The following DNAAF9 variants were observed in gnomAD, a reference collection of about 807,000 sequenced individuals.
DNAAF9 encodes shulin.
A neutral mutation model predicts 167.0 loss-of-function variants in DNAAF9; 90 were observed. The observed-to-expected ratio is 0.54, with a 90% CI of 0.45 to 0.64. The LOEUF is 0.64. DNAAF9 is among the 30% of genes least tolerant of loss of function. The probability of loss-of-function intolerance (pLI) is 0.00; values close to 1 mark genes in which losing one functional copy is unlikely to be tolerated. For missense variants in DNAAF9, 1,315 were observed against 1,442.2 expected (o/e 0.91, Z 1.43); for synonymous variants, 491 against 508.8 (o/e 0.96, Z 0.47).
At chr20:3,390,272 T>C (rs13042624) in intron 1 of DNAAF9, among the ~76,000 whole-genome samples, 2 of 152,036 alleles carry the variant, frequency 1.3e-5, no homozygotes, top group Non-Finnish European at 2.9e-5. Flanking sequence ...AGAAGACAGA[T>C]TGAGAAGAAG....
At chr20:3,402,913 T>C (rs757849764) in intron 1 of DNAAF9, among the ~76,000 whole-genome samples, 138 of 152,334 alleles carry the variant, frequency 9.1e-4, no homozygotes, top group Non-Finnish European at 1.7e-3. Flanking sequence ...TTAAAATTCA[T>C]TGTGCTAGAT....
rs372696940 is a variant in DNAAF9, at chr20:3,303,115, G to T, written c.1782+1325C>A. On this transcript the variant is annotated intron_variant, in intron 21 of 36. Transcript: ENST00000252032. ...AAATTAGCCGGGCGTGGTGGCAGGC[G>T]CCTGTAGTCTCAGCTACTCAGGAGG... 1.2e-4 allele frequency among the ~76,000 whole-genome samples: 18 copies of T among 152,070 alleles called. No individual in the cohort carries two copies. The South Asian group carries it at 3.3e-3, about 28-fold the overall frequency.
intron 13 of DNAAF9, among the ~76,000 whole-genome samples, chr20:3,325,422 T>C (rs1455937194): frequency 1.3e-5 from 2 of 152,188 alleles, no homozygotes; most frequent in Non-Finnish European, 2.9e-5. Flanking sequence ...GAACTGATAT[T>C]GAAGGACACC....
chr20:3,384,993 G>A (rs2083714072), intron 1 of DNAAF9, among the ~76,000 whole-genome samples: 2 of 151,782 alleles, frequency 1.3e-5, no homozygotes, highest in South Asian at 4.2e-4. Context: ...CCCTGAAAAT[G>A]TGTGTCTCTA....
rs148194906 is a variant in DNAAF9, at chr20:3,405,603, A to C, written c.83+1872T>G. ...AATTTTATTCAAACCACTTGATAGAAGATTTGGAGTTCGGGTATGATCAGT... is the reference window on the plus strand; with the variant it reads ...AATTTTATTCAAACCACTTGATAGACGATTTGGAGTTCGGGTATGATCAGT... On this transcript the variant is annotated intron_variant, in intron 1 of 36. Transcript: ENST00000252032. Among the ~76,000 whole-genome samples the C allele has an allele frequency of 3.9e-5, 6 of 152,360 alleles. No individual in the cohort carries two copies. In the East Asian group the frequency reaches 9.6e-4, roughly 24 times the overall value.
At chr20:3,298,665 C>T (rs1380501410) in intron 21 of DNAAF9, among the ~76,000 whole-genome samples, 1 of 152,132 alleles carries the variant, frequency 6.6e-6, no homozygotes, top group Non-Finnish European at 1.5e-5. Context: ...AAAATTCACT[C>T]TAGGATATTA....
intron 17 of DNAAF9, 48 bp downstream of exon 17, chr20:3,318,241 A>C: frequency 1.1e-6 from 1 of 893,126 alleles, no homozygotes; most frequent in Non-Finnish European, 1.8e-6. Flanking sequence ...TGCCAAAAAA[A>C]AAAAAAAAAG....
At chr20:3,304,273 T>C (rs1053007508) in intron 21 of DNAAF9, among the ~76,000 whole-genome samples, 167 bp downstream of exon 21, 21 of 152,160 alleles carry the variant, frequency 1.4e-4, no homozygotes, top group African/African-American at 5.1e-4. Context: ...GTCTTGAGAA[T>C]GCCCAGGCCT....
chr20:3,286,706 T>C (rs962361548), intron 27 of DNAAF9, among the ~76,000 whole-genome samples: 5 of 152,274 alleles, frequency 3.3e-5, no homozygotes, highest in South Asian at 2.1e-4. Context: ...ACCTGCCTCC[T>C]TCCTCAGTAC....
At chr20:3,350,156 G>A (rs6051774) in intron 7 of DNAAF9, among the ~76,000 whole-genome samples, 1 of 89,902 alleles carries the variant, frequency 1.1e-5, no homozygotes, top group African/African-American at 4.5e-5. Context: ...CAGACACACA[G>A]ACACACACAC....
intron 23 of DNAAF9, 58 bp downstream of exon 23, chr20:3,296,803 A>G: frequency 1.8e-6 from 2 of 1,084,896 alleles, no homozygotes; most frequent in Non-Finnish European, 2.8e-6. Flanking sequence ...CATCCTGCAG[A>G]GAGAGCACAC....
At chr20:3,321,685 C>T (rs2069618548) in intron 16 of DNAAF9, among the ~76,000 whole-genome samples, 1 of 152,184 alleles carries the variant, frequency 6.6e-6, no homozygotes, top group South Asian at 2.1e-4. Flanking sequence ...CCTCCTGCCT[C>T]AGCCTCCTGA....
rs927610095 is a variant in DNAAF9, at chr20:3,309,144, T to C, written c.1679-4601A>G. On this transcript the variant is annotated intron_variant, in intron 20 of 36. Coordinates refer to ENST00000252032, the MANE Select transcript of DNAAF9 (RefSeq NM_001009984.3). ...TTCTTAGCACTTTGCTCAAAGTTAT[T>C]GACATTTTTATGTTGGCTTTTCAGG... is the stretch of plus-strand genomic sequence containing the variant. 2.0e-5 allele frequency among the ~76,000 whole-genome samples: 3 copies of C among 152,182 alleles called. No homozygotes were observed. In the South Asian group the frequency reaches 6.2e-4, roughly 32 times the overall value.
Position 3,295,860 on chromosome 20 carries a change from C to G in DNAAF9, c.2018+1001G>C, listed in dbSNP as rs1019192253. On this transcript the variant is annotated intron_variant, in intron 23 of 36. Coordinates refer to ENST00000252032, the MANE Select transcript of DNAAF9 (RefSeq NM_001009984.3). ...AAAGAGTTTAATCCCCAAACGACAT[C>G]CTTTAATGTTCTCATGGGAGCCCAG... 7.9e-6 allele frequency: 8 copies of G among 1,015,778 alleles called. No homozygotes were observed. In the African/African-American group the frequency reaches 9.5e-5, roughly 12 times the overall value. The allele number at this position is 1,015,778 out of a possible 1,614,324, so 62.9% of individuals were successfully genotyped here.
chr20:3,313,954 C>CTGAA (rs2069457897), intron 20 of DNAAF9, among the ~76,000 whole-genome samples: 1 of 152,190 alleles, frequency 6.6e-6, no homozygotes. Flanking sequence ...TATCAAGGAA[C>CTGAA]TGAAGTCTGC....
intron 29 of DNAAF9, among the ~76,000 whole-genome samples, chr20:3,275,750 G>A (rs1600690055): frequency 6.6e-6 from 1 of 152,226 alleles, no homozygotes; most frequent in Non-Finnish European, 1.5e-5. Flanking sequence ...TCTGTATCAA[G>A]GAGTGGACAG....
At chr20:3,297,233 T>TTCTC (rs909148898) in intron 22 of DNAAF9, among the ~76,000 whole-genome samples, 91 of 152,318 alleles carry the variant, frequency 6.0e-4, no homozygotes, top group African/African-American at 2.1e-3. Context: ...CAGACGCATG[T>TTCTC]TCTCCTCTAG....
chr20:3,359,393 T>G, intron 7 of DNAAF9, 123 bp downstream of exon 7: 1 of 693,894 alleles, frequency 1.4e-6, no homozygotes, highest in South Asian at 1.8e-5. Flanking sequence ...AGGAAGAAAC[T>G]GCTCTATTTT....
chr20:3,275,460 C>T (rs1251057894), intron 29 of DNAAF9, among the ~76,000 whole-genome samples: 2 of 152,194 alleles, frequency 1.3e-5, no homozygotes, highest in African/African-American at 4.8e-5. Flanking sequence ...CTCTGACAGA[C>T]ACAACTTGTA....
Sources: allele counts gnomAD v4.1 joint callset (sites outside exome capture counted in the v4.1 genomes callset), GRCh38; gene constraint gnomAD v4.1.1; transcripts MANE v1.5; gene names NCBI Gene and HGNC (gene_info 2026-07-23, HGNC 2026-07-21).